The following SUSD1 variants were observed in gnomAD, a reference collection of about 807,000 sequenced individuals.
The protein encoded by SUSD1 is sushi domain-containing protein 1.
SUSD1 carries 65 observed loss-of-function variants against 86.9 expected under a neutral mutation model. The ratio of observed to expected loss-of-function variants is 0.75; its 90% CI spans 0.61 to 0.92. The LOEUF is 0.92. Among genes scored for constraint, SUSD1 ranks in the 40% least tolerant of loss-of-function variants. The pLI, the probability that SUSD1 is intolerant of heterozygous loss-of-function variation, is 0.00. For missense variants in SUSD1, 850 were observed against 929.7 expected (o/e 0.91, Z 1.11); for synonymous variants, 346 against 350.0 (o/e 0.99, Z 0.13).
At chr9:112,108,517 CCTATAAT>C (rs1201282175) in intron 8 of SUSD1, among the ~76,000 whole-genome samples, 1 of 151,892 alleles carries the variant, frequency 6.6e-6, no homozygotes, top group Non-Finnish European at 1.5e-5. Context: ...GTGACTCACA[CCTATAAT>C]CCCAGTACTT....
chr9:112,175,086 G>GCCC lies in SUSD1; in HGVS notation c.103+46_103+47insGGG, dbSNP rs1326320932. 1 of 1,001,962 alleles carries GCCC rather than the reference G, an allele frequency of 1.0e-6. No homozygotes were observed. The highest frequency in any genetic ancestry group is 1.7e-5 in the African/African-American group (1 of 57,258). The allele number at this position is 1,001,962 out of a possible 1,614,324, so 62.1% of individuals were successfully genotyped here. A position where few individuals can be genotyped will look rare whatever the true frequency, so the allele number is the denominator to read the frequency against. The stretch of plus-strand genomic sequence containing the variant: ...GTGCGCCCAGAGTCCTCGAGGCCCA[G>GCCC]CCGGGGGCCCCGCCGGCCGCCCGTG... On this transcript the variant is annotated intron_variant, in intron 1 of 16. Coordinates refer to ENST00000374270, the MANE Select transcript of SUSD1 (RefSeq NM_022486.5). This position sits in a 1 kb window ranked among gnomAD's most constrained non-coding sequence, Gnocchi z 4.7.
chr9:112,124,996 A>G lies in SUSD1; in HGVS notation c.707-560T>C, dbSNP rs1474428327. ...TCTGACTACTAAAAGACAATTAAAT[A>G]TTTACAAAGAACTATCTACAGGTAA... On this transcript the variant is annotated intron_variant, in intron 5 of 16. Coordinates refer to ENST00000374270, the MANE Select transcript of SUSD1 (RefSeq NM_022486.5). Among the ~76,000 whole-genome samples the G allele has an allele frequency of 2.6e-5, 4 of 152,200 alleles. No homozygotes were observed. In the East Asian group the frequency reaches 5.8e-4, roughly 22 times the overall value.
chr9:112,066,572 C>A (rs771501369), intron 12 of SUSD1, among the ~76,000 whole-genome samples: 1 of 152,176 alleles, frequency 6.6e-6, no homozygotes, highest in South Asian at 2.1e-4. Flanking sequence ...CTGGAAGAGA[C>A]CATGGAAAGC....
intron 1 of SUSD1, among the ~76,000 whole-genome samples, chr9:112,160,247 A>G (rs144135324): frequency 0.019 from 2,949 of 152,352 alleles, 44 homozygotes; most frequent in Admixed American, 0.031. Flanking sequence ...AAAGTATTTC[A>G]GAAAATGAAA....
At chr9:112,164,082 C>A (rs1422622334) in intron 1 of SUSD1, among the ~76,000 whole-genome samples, 1 of 151,840 alleles carries the variant, frequency 6.6e-6, no homozygotes, top group East Asian at 1.9e-4. Flanking sequence ...TTGAGTAAAT[C>A]TAATAAACAT....
chr9:112,147,172 C>G (rs1228826211), intron 3 of SUSD1, among the ~76,000 whole-genome samples: 1 of 152,176 alleles, frequency 6.6e-6, no homozygotes, highest in African/African-American at 2.4e-5. Flanking sequence ...AATTAGCTGT[C>G]TGCTCGTCAC....
chr9:112,064,356 G>A (rs1828878342), intron 12 of SUSD1, among the ~76,000 whole-genome samples: 1 of 152,208 alleles, frequency 6.6e-6, no homozygotes, highest in Non-Finnish European at 1.5e-5. Flanking sequence ...GTGCATACAA[G>A]GGATCTAGAT....
intron 9 of SUSD1, 114 bp from the exon 10 acceptor site, chr9:112,098,776 C>T: frequency 1.0e-6 from 1 of 964,262 alleles, no homozygotes; most frequent in Non-Finnish European, 1.5e-6. Flanking sequence ...TATCCTTGCC[C>T]ACTTAGAATT....
At chr9:112,141,645 G>T (rs10817269) in intron 5 of SUSD1, among the ~76,000 whole-genome samples, 1 of 149,474 alleles carries the variant, frequency 6.7e-6, no homozygotes, top group East Asian at 1.9e-4. Context: ...CCACTACACT[G>T]CAGACTGGGT....
At chr9:112,106,239 C>T (rs1830833452) in intron 8 of SUSD1, among the ~76,000 whole-genome samples, 1 of 152,078 alleles carries the variant, frequency 6.6e-6, no homozygotes, top group South Asian at 2.1e-4. Flanking sequence ...TCCCAAAGTG[C>T]AGGGATTACA....
intron 1 of SUSD1, among the ~76,000 whole-genome samples, chr9:112,167,892 T>C (rs1833888954): frequency 6.6e-6 from 1 of 152,102 alleles, no homozygotes; most frequent in Admixed American, 6.5e-5. Context: ...GCAAAAGGCA[T>C]GTGTTACACA....
rs1830853299 is a variant in SUSD1 at position 112,106,672 on chromosome 9, A to G, written c.1172-4387T>C. Among the ~76,000 whole-genome samples the G allele has an allele frequency of 2.6e-5, 4 of 151,378 alleles. No individual in the cohort carries two copies. The South Asian group carries it at 8.4e-4, about 32-fold the overall frequency. ...TTTGGAGAGATAATACATGTTAAAA[A>G]TAAGAAACTGGTAATATAATGCTAT... On this transcript the variant is annotated intron_variant, in intron 8 of 16. Coordinates refer to ENST00000374270, the MANE Select transcript of SUSD1 (RefSeq NM_022486.5).
intron 8 of SUSD1, among the ~76,000 whole-genome samples, chr9:112,108,774 C>CAAAAAAA (rs11312103): frequency 1.7e-4 from 12 of 68,574 alleles, no homozygotes; most frequent in South Asian, 4.5e-4. Flanking sequence ...CTGGGTGTCT[C>CAAAAAAA]AAAAAAAAAA....
chr9:112,060,468 T>C (rs1439399566), intron 13 of SUSD1, among the ~76,000 whole-genome samples: 1 of 152,224 alleles, frequency 6.6e-6, no homozygotes, highest in East Asian at 1.9e-4. Flanking sequence ...TTCCACCATG[T>C]TGGCCAGGCT....
At chr9:112,134,034 G>C (rs1408342420) in intron 5 of SUSD1, among the ~76,000 whole-genome samples, 2 of 152,056 alleles carry the variant, frequency 1.3e-5, no homozygotes, top group Admixed American at 6.6e-5. Flanking sequence ...ACACCAGTCA[G>C]AATGGCTATT....
intron 14 of SUSD1, among the ~76,000 whole-genome samples, chr9:112,053,151 T>C (rs563156908): frequency 6.6e-6 from 1 of 152,282 alleles, no homozygotes; most frequent in South Asian, 2.1e-4. Flanking sequence ...GGAGAGTCTC[T>C]TTCAAATGAC....
At chr9:112,140,316 T>G (rs1832506782) in intron 5 of SUSD1, among the ~76,000 whole-genome samples, 2 of 80,868 alleles carry the variant, frequency 2.5e-5, no homozygotes, top group South Asian at 5.1e-4. Flanking sequence ...GAGCCGAGAT[T>G]GCGCCACTGC....
intron 12 of SUSD1, among the ~76,000 whole-genome samples, chr9:112,078,322 C>T (rs1023942084): frequency 1.3e-5 from 2 of 152,110 alleles, no homozygotes; most frequent in Admixed American, 6.5e-5. Flanking sequence ...CCAGCCTGGG[C>T]GACAGAGCAA....
At chr9:112,104,333 T>A (rs528594496) in intron 8 of SUSD1, among the ~76,000 whole-genome samples, 47 of 152,014 alleles carry the variant, frequency 3.1e-4, no homozygotes, top group African/African-American at 9.7e-4. Context: ...CCAGGCAATC[T>A]GATAGGCAAC....
Sources: gnomAD v4.1 joint callset for allele counts (sites outside exome capture counted in the v4.1 genomes callset) on GRCh38, gnomAD v4.1.1 for gene constraint, Gnocchi (gnomAD v3.1) non-coding constraint, MANE v1.5 for transcripts, NCBI Gene and HGNC (gene_info 2026-07-23, HGNC 2026-07-21) for gene names.